Variants in USP13 observed in about 807,000 individuals in gnomAD.
USP13 encodes ubiquitin specific peptidase 13.
Under a neutral mutation model 107.8 loss-of-function variants are expected in USP13, and 68 were observed. The ratio of observed to expected loss-of-function variants is 0.63; its 90% CI spans 0.52 to 0.77. The LOEUF (loss-of-function observed/expected upper bound fraction) is 0.77. USP13 is among the 30% of genes least tolerant of loss of function. USP13 has a pLI of 0.00. For missense variants in USP13, 945 were observed against 1,093.3 expected (o/e 0.86, Z 1.91); for synonymous variants, 377 against 389.5 (o/e 0.97, Z 0.38).
intron 3 of USP13, among the ~76,000 whole-genome samples, chr3:179,692,985 A>G (rs1305188502): frequency 1.3e-5 from 2 of 152,196 alleles, no homozygotes; most frequent in Non-Finnish European, 2.9e-5. Flanking sequence ...AAGATTTCAT[A>G]TCTTAGAAAA....
chr3:179,760,686 A>G (rs1714978865), intron 16 of USP13, among the ~76,000 whole-genome samples: 1 of 152,216 alleles, frequency 6.6e-6, no homozygotes, highest in South Asian at 2.1e-4. Flanking sequence ...TGTGATTGCC[A>G]GATGTATCTA....
At chr3:179,725,753 C>T (rs1473235849) in intron 8 of USP13, among the ~76,000 whole-genome samples, 1 of 152,210 alleles carries the variant, frequency 6.6e-6, no homozygotes, top group Admixed American at 6.5e-5. Flanking sequence ...ATGTCAGATG[C>T]TGTTCTTGTG....
rs765665663 is a variant in USP13 at position 179,690,227 on chromosome 3, T to C, written c.295-14T>C. The C allele has an allele frequency of 1.9e-6, 3 of 1,612,072 alleles. No individual in the cohort carries two copies. In the African/African-American group the frequency reaches 4.0e-5, roughly 22 times the overall value. On this transcript the variant is annotated splice_polypyrimidine_tract_variant and intron_variant, in intron 2 of 20. Transcript: ENST00000263966. ...TATAGGCCGCATTTTAATGATCTTT[T>C]GTTTTCTTTTCAGAAGGTAAGAGGG... is the stretch of plus-strand genomic sequence containing the variant.
In USP13 at chr3:179,707,018, G is replaced by A. The variant is rs1312872981; in HGVS notation, c.562G>A (p.Val188Ile). 38 of 1,614,126 alleles carry A rather than the reference G, an allele frequency of 2.4e-5. No individual in the cohort carries two copies. Among genetic ancestry groups the A allele is most frequent in the Non-Finnish European group, 3.2e-5 (38 of 1,180,016 alleles). Residue 188 changes from valine to isoleucine, a missense_variant, in exon 5 of 21, where the codon GTA becomes ATA. Val to Ile is a conservative substitution (Grantham distance 29). Transcript: ENST00000263966. The part of the protein sequence containing the change: ...DPDTWENELP[V>I]SKYANNLTQL... ...AGACACGTGGGAAAATGAATTGCCAGTATCTAAATATGCCAACAACCTCAC... is the reference window on the plus strand; with the variant it reads ...AGACACGTGGGAAAATGAATTGCCAATATCTAAATATGCCAACAACCTCAC...
At chr3:179,665,456 G>A (rs1720560938) in intron 1 of USP13, among the ~76,000 whole-genome samples, 1 of 152,212 alleles carries the variant, frequency 6.6e-6, no homozygotes, top group Non-Finnish European at 1.5e-5. Context: ...TTTTACGGAT[G>A]AGGAAATGGA....
chr3:179,690,370 A>C (rs979887098), intron 3 of USP13, 69 bp downstream of exon 3: 14 of 1,372,744 alleles, frequency 1.0e-5, no homozygotes, highest in Non-Finnish European at 1.4e-5. Flanking sequence ...ACTCATGTGC[A>C]TCTTTGATTT....
At chr3:179,665,385 G>A (rs987195287) in intron 1 of USP13, among the ~76,000 whole-genome samples, 1 of 152,162 alleles carries the variant, frequency 6.6e-6, no homozygotes, top group Non-Finnish European at 1.5e-5. Context: ...TTTTATGTAC[G>A]TCATCTCATT....
chr3:179,719,343 C>T (rs1713222159), intron 6 of USP13, among the ~76,000 whole-genome samples: 1 of 152,100 alleles, frequency 6.6e-6, no homozygotes, highest in Non-Finnish European at 1.5e-5. Flanking sequence ...ACAGTCTTCA[C>T]AGATCTCTCG....
At chr3:179,657,783 A>AAAG (rs1553785800) in intron 1 of USP13, among the ~76,000 whole-genome samples, 1,746 of 148,348 alleles carry the variant, frequency 0.012, 43 homozygotes, top group African/African-American at 0.042. Flanking sequence ...AAAAAAAAAA[A>AAAG]AAAGAAAGAA....
At chr3:179,752,873 A>G (rs1162971523) in intron 14 of USP13, among the ~76,000 whole-genome samples, 1 of 152,220 alleles carries the variant, frequency 6.6e-6, no homozygotes, top group Non-Finnish European at 1.5e-5. Flanking sequence ...GGCTAATGAC[A>G]TTCACTTAAT....
At chr3:179,711,854 CAT>C (rs1208988932) in intron 6 of USP13, among the ~76,000 whole-genome samples, 2 of 152,124 alleles carry the variant, frequency 1.3e-5, no homozygotes, top group Non-Finnish European at 2.9e-5. Flanking sequence ...AATATGGTAA[CAT>C]AGTCATTTAT....
At chr3:179,686,864 C>A (rs1330863577) in intron 2 of USP13, among the ~76,000 whole-genome samples, 1 of 152,180 alleles carries the variant, frequency 6.6e-6, no homozygotes, top group African/African-American at 2.4e-5. Flanking sequence ...GGAACTGTTC[C>A]TCTCCTGTTT....
intron 3 of USP13, among the ~76,000 whole-genome samples, chr3:179,696,429 C>G (rs1345127246): frequency 6.8e-6 from 1 of 147,812 alleles, no homozygotes; most frequent in East Asian, 2.0e-4. Context: ...CTCCCGGGTT[C>G]AAGCGATTCT....
At chr3:179,768,134 C>T (rs1715235100) in intron 19 of USP13, among the ~76,000 whole-genome samples, 1 of 152,224 alleles carries the variant, frequency 6.6e-6, no homozygotes, top group African/African-American at 2.4e-5. Flanking sequence ...CATCAGTTCA[C>T]TGCTTCATTG....
At chr3:179,766,180 ATGTTGGCC>A (rs1456003695) in intron 19 of USP13, among the ~76,000 whole-genome samples, 1 of 151,880 alleles carries the variant, frequency 6.6e-6, no homozygotes, top group Non-Finnish European at 1.5e-5. Context: ...GGGATTCACC[ATGTTGGCC>A]TGGCTGGTCT....
intron 6 of USP13, among the ~76,000 whole-genome samples, chr3:179,714,851 T>C (rs1057244081): frequency 6.7e-6 from 1 of 149,088 alleles, no homozygotes; most frequent in African/African-American, 2.5e-5. Context: ...TCCTGGCGGT[T>C]CTCTTTCTTT....
chr3:179,740,484 C>A, intron 11 of USP13, 112 bp downstream of exon 11: 2 of 1,496,010 alleles, frequency 1.3e-6, no homozygotes, highest in Non-Finnish European at 1.8e-6. Flanking sequence ...TTTCTTCAAT[C>A]TCTCCTGTTA....
intron 1 of USP13, among the ~76,000 whole-genome samples, chr3:179,659,340 G>A (rs1354464759): frequency 6.6e-6 from 1 of 152,174 alleles, no homozygotes; most frequent in African/African-American, 2.4e-5. Flanking sequence ...GGCATTGCCA[G>A]TAATAATAAT....
chr3:179,753,723 G>C (rs1329606581), intron 14 of USP13, among the ~76,000 whole-genome samples: 1 of 152,108 alleles, frequency 6.6e-6, no homozygotes, highest in Non-Finnish European at 1.5e-5. Flanking sequence ...TTTAAAGTAG[G>C]ATTTATGTAC....
Sources: gnomAD v4.1 joint callset for allele counts (sites outside exome capture counted in the v4.1 genomes callset) on GRCh38, gnomAD v4.1.1 for gene constraint, MANE v1.5 for transcripts, NCBI Gene and HGNC (gene_info 2026-07-23, HGNC 2026-07-21) for gene names.